Variants in GSG1L observed in about 807,000 individuals in gnomAD.
GSG1L encodes the protein germ cell-specific gene 1-like protein.
Under a neutral mutation model 42.1 loss-of-function variants are expected in GSG1L, and 24 were observed. The observed-to-expected ratio is 0.57, with a 90% CI of 0.41 to 0.80. The LOEUF is 0.80. Ranked by LOEUF, GSG1L falls within the 30% of genes least tolerant of loss-of-function variation. The pLI is 0.00. For missense variants in GSG1L, 445 were observed against 472.2 expected, an observed-to-expected ratio of 0.94 and a Z score of 0.53; for synonymous variants, 215 against 203.5, an observed-to-expected ratio of 1.06 and a Z score of -0.48.
At chr16:27,832,770 A>C (rs2083286685) in intron 4 of GSG1L, among the ~76,000 whole-genome samples, 1 of 152,144 alleles carries the variant, frequency 6.6e-6, no homozygotes. Flanking sequence ...TCTTTGACAA[A>C]ATGTCTATTG....
chr16:28,036,195 C>T (rs777132793), intron 1 of GSG1L, among the ~76,000 whole-genome samples: 4 of 152,152 alleles, frequency 2.6e-5, no homozygotes, highest in Non-Finnish European at 4.4e-5. Flanking sequence ...ACTCGCCTGG[C>T]TCCCCACCAC....
At chr16:27,902,369 C>T (rs879308061) in intron 2 of GSG1L, among the ~76,000 whole-genome samples, 10 of 152,092 alleles carry the variant, frequency 6.6e-5, no homozygotes, top group Non-Finnish European at 1.3e-4. Context: ...GAGAAAAGGC[C>T]ACGGGCTTTG....
chr16:27,793,017 T>C (rs1337447136), intron 6 of GSG1L, among the ~76,000 whole-genome samples: 1 of 152,274 alleles, frequency 6.6e-6, no homozygotes, highest in Non-Finnish European at 1.5e-5. Flanking sequence ...ATCCGTATAA[T>C]TTCATTTTCC....
At chr16:27,831,117 G>A (rs939433127) in intron 4 of GSG1L, among the ~76,000 whole-genome samples, 3 of 152,196 alleles carry the variant, frequency 2.0e-5, no homozygotes, top group Non-Finnish European at 1.5e-5. Flanking sequence ...TCCTGGACTT[G>A]GCTGAAGCTA....
chr16:27,840,329 C>T (rs1181212804), intron 4 of GSG1L, among the ~76,000 whole-genome samples: 1 of 151,870 alleles, frequency 6.6e-6, no homozygotes, highest in Non-Finnish European at 1.5e-5. Context: ...GTCACTTTGC[C>T]CAGCCCCTCT....
rs752444585 is a variant in GSG1L, at chr16:27,828,874, G to C, written c.745C>G (p.Arg249Gly). Residue 249 changes from arginine (R) to glycine (G), a missense_variant, in exon 5 of 7, where the codon CGG becomes GGG. Physicochemically the swap from Arg to Gly is moderately radical, Grantham distance 125 (BLOSUM62 -2). This residue lies in a region of GSG1L where 140 missense variants were observed against 120.6 expected (regional missense o/e 1.16). Coordinates refer to ENST00000447459, the MANE Select transcript of GSG1L (RefSeq NM_001109763.2). ...NSYTKTVIEF[R>G]HKRKVFEQGY... ...TGCTCAAAGACCTTGCGCTTGTGCC[G>C]GAACTCAATGACCGTCTTGGTGTAG... is the stretch of plus-strand genomic sequence containing the variant. The C allele has an allele frequency of 6.2e-7, 1 of 1,614,168 alleles. No individual in the cohort carries two copies. The highest frequency in any genetic ancestry group is 8.5e-7 in the Non-Finnish European group (1 of 1,180,020).
intron 2 of GSG1L, among the ~76,000 whole-genome samples, chr16:27,938,973 G>C (rs2084753413): frequency 6.6e-6 from 1 of 152,190 alleles, no homozygotes; most frequent in Non-Finnish European, 1.5e-5. Flanking sequence ...CCCTCCGTGA[G>C]GATGGATGGA....
intron 3 of GSG1L, among the ~76,000 whole-genome samples, chr16:27,860,860 G>A (rs553774418): frequency 4.0e-4 from 61 of 151,958 alleles, no homozygotes; most frequent in African/African-American, 1.4e-3. Context: ...GAGGCTGGGC[G>A]TGTTGGCCTC....
At chr16:27,840,983 G>A (rs994923637) in intron 4 of GSG1L, among the ~76,000 whole-genome samples, 10 of 152,270 alleles carry the variant, frequency 6.6e-5, no homozygotes, top group Middle Eastern at 3.4e-3. Flanking sequence ...CCACCCAGAT[G>A]AGCCCGGTCC....
intron 3 of GSG1L, among the ~76,000 whole-genome samples, chr16:27,861,854 G>A (rs140043036): frequency 1.3e-5 from 2 of 152,310 alleles, no homozygotes; most frequent in East Asian, 3.9e-4. Flanking sequence ...GGGTGACTGT[G>A]GCAATTTGGA....
At chr16:27,823,820 G>A (rs768743549) in intron 5 of GSG1L, 15 of 702,462 alleles carry the variant, frequency 2.1e-5, no homozygotes, top group Non-Finnish European at 3.9e-5. Context: ...GCACAGGGAA[G>A]GACTATGTGG....
chr16:27,966,680 A>T (rs1445455459), intron 1 of GSG1L, among the ~76,000 whole-genome samples: 1 of 152,164 alleles, frequency 6.6e-6, no homozygotes, highest in Non-Finnish European at 1.5e-5. Flanking sequence ...GCCACCAAGG[A>T]TGCAGCACTG....
chr16:27,988,856 C>T (rs2085419999), intron 1 of GSG1L, among the ~76,000 whole-genome samples: 1 of 151,242 alleles, frequency 6.6e-6, no homozygotes, highest in Non-Finnish European at 1.5e-5. Flanking sequence ...AGATCAAGAC[C>T]ATCCTGGCTA....
At chr16:27,817,344 A>G (rs2083107121) in intron 5 of GSG1L, among the ~76,000 whole-genome samples, 1 of 152,078 alleles carries the variant, frequency 6.6e-6, no homozygotes, top group Non-Finnish European at 1.5e-5. Flanking sequence ...CATCTGTGCC[A>G]TCCTCAAGGC....
At chr16:28,033,240 C>A (rs2085988326) in intron 1 of GSG1L, among the ~76,000 whole-genome samples, 1 of 152,216 alleles carries the variant, frequency 6.6e-6, no homozygotes, top group Non-Finnish European at 1.5e-5. Flanking sequence ...CAAGTGTCAC[C>A]TCCTTGGAGA....
At chr16:27,948,518 C>T (rs1008739054) in intron 2 of GSG1L, among the ~76,000 whole-genome samples, 9 of 151,332 alleles carry the variant, frequency 5.9e-5, no homozygotes, top group African/African-American at 2.2e-4. Flanking sequence ...GGATTACAGG[C>T]ACCCACCACC....
intron 1 of GSG1L, among the ~76,000 whole-genome samples, chr16:27,975,337 A>AATGGAC (rs1171073776): frequency 5.3e-5 from 8 of 151,820 alleles, no homozygotes; most frequent in Admixed American, 2.0e-4. Context: ...AAGGGCAGGG[A>AATGGAC]ATGGACATGG....
At chr16:27,957,581 C>G (rs569808850) in intron 2 of GSG1L, among the ~76,000 whole-genome samples, 34 of 152,258 alleles carry the variant, frequency 2.2e-4, no homozygotes, top group Non-Finnish European at 4.0e-4. Context: ...CATCGAAGGT[C>G]TTGGGCTTGT....
rs370071986 is a variant in GSG1L, at chr16:27,885,094, A to G, written c.398-456T>C. ...CTGTATTGTTAGGCCAGTTAGTGAG[A>G]GGTTCTGTGTTACCTCCAACTATAC... is the stretch of plus-strand genomic sequence containing the variant. On this transcript the variant is annotated intron_variant, in intron 2 of 6. Coordinates refer to ENST00000447459, the MANE Select transcript of GSG1L (RefSeq NM_001109763.2). Among the ~76,000 whole-genome samples, 5 of 152,198 alleles carry G rather than the reference A, an allele frequency of 3.3e-5. No individual in the cohort carries two copies. The East Asian group carries it at 5.8e-4, about 18-fold the overall frequency.
Sources: gnomAD v4.1 joint callset for allele counts (sites outside exome capture counted in the v4.1 genomes callset) on GRCh38, gnomAD v4.1.1 for gene constraint, gnomAD v4.1.1 regional missense constraint, MANE v1.5 for transcripts, NCBI Gene and HGNC (gene_info 2026-07-23, HGNC 2026-07-21) for gene names.